NAALADL2: variants seen among roughly 807,000 people sequenced by gnomAD.
The protein encoded by NAALADL2 is N-acetylated alpha-linked acidic dipeptidase like 2, also known as inactive N-acetylated-alpha-linked acidic dipeptidase-like protein 2.
Under a neutral mutation model 87.2 loss-of-function variants are expected in NAALADL2, and 76 were observed. The ratio of observed to expected loss-of-function variants is 0.87; its 90% CI spans 0.72 to 1.05. The LOEUF (loss-of-function observed/expected upper bound fraction) is 1.05. Ranked by LOEUF, NAALADL2 falls within the 50% of genes least tolerant of loss-of-function variation. NAALADL2 has a pLI of 0.00. For synonymous variants in NAALADL2, 354 were observed against 331.0 expected (o/e 1.07, Z -0.75); for missense variants, 1,089 against 945.8 (o/e 1.15, Z -1.99).
Position 174,744,915 on chromosome 3 carries a change from A to G in NAALADL2, c.-9+7169A>G, listed in dbSNP as rs148854271. Reference sequence around the variant, plus strand: ...TGAAACCAGTGAGAACAAAGATACAATGTACCAGAATCTCTGGGACACAGC... The same window carrying G: ...TGAAACCAGTGAGAACAAAGATACAGTGTACCAGAATCTCTGGGACACAGC... On this transcript the variant is annotated intron_variant, in intron 3 of 3. Transcript: ENST00000434257. Among the ~76,000 whole-genome samples, 952 of 152,278 alleles carry G rather than the reference A, an allele frequency of 6.3e-3. 7 individuals carry two copies. Among genetic ancestry groups the G allele is most frequent in the African/African-American group, 0.022 (901 of 41,556 alleles).
chr3:175,710,652 A>G (rs1740404330), intron 11 of NAALADL2, among the ~76,000 whole-genome samples: 1 of 151,548 alleles, frequency 6.6e-6, no homozygotes, highest in South Asian at 2.1e-4. Context: ...CAATGAGGGT[A>G]TGGAAGAATA....
At chr3:174,637,912 T>A (rs1196151881) in intron 2 of NAALADL2, among the ~76,000 whole-genome samples, 1 of 152,068 alleles carries the variant, frequency 6.6e-6, no homozygotes, top group African/African-American at 2.4e-5. Flanking sequence ...ACTTGGTGAT[T>A]TATGAGTAGG....
At position 175,778,650 on chromosome 3, in the gene NAALADL2, T is replaced by C. The variant is rs1401284951; in HGVS notation, c.2189+23232T>C. 3.9e-5 allele frequency among the ~76,000 whole-genome samples: 6 copies of C among 152,346 alleles called. No homozygotes were observed. In the East Asian group the frequency reaches 1.2e-3, roughly 29 times the overall value. On this transcript the variant is annotated intron_variant, in intron 13 of 13. Transcript: ENST00000454872. ...ATATGTCAGACACTGTGCTAAGCAC[T>C]TTACATGTTTCAGCTCATGTAATTA...
At chr3:174,665,476 C>T (rs998977866) in intron 2 of NAALADL2, among the ~76,000 whole-genome samples, 1 of 152,100 alleles carries the variant, frequency 6.6e-6, no homozygotes, top group Non-Finnish European at 1.5e-5. Flanking sequence ...AGGTTCTGGT[C>T]ATTACATGTT....
chr3:175,216,738 G>C (rs963841259), intron 2 of NAALADL2, among the ~76,000 whole-genome samples: 1 of 128,428 alleles, frequency 7.8e-6, no homozygotes, highest in African/African-American at 3.1e-5. Flanking sequence ...GTGTGATCTT[G>C]GCTCATCGCA....
intron 1 of NAALADL2, among the ~76,000 whole-genome samples, chr3:174,866,744 G>T (rs1277123984): frequency 6.6e-6 from 1 of 151,730 alleles, no homozygotes; most frequent in African/African-American, 2.4e-5. Context: ...ACCTTCAGAT[G>T]CAATGAAGTA....
At chr3:174,729,114 T>C (rs1020722448) in intron 2 of NAALADL2, among the ~76,000 whole-genome samples, 2 of 152,030 alleles carry the variant, frequency 1.3e-5, no homozygotes, top group African/African-American at 4.8e-5. Context: ...TATTAGTAAA[T>C]GGGCCACGTT....
intron 11 of NAALADL2, among the ~76,000 whole-genome samples, chr3:175,673,942 G>A (rs186262694): frequency 6.6e-6 from 1 of 151,968 alleles, no homozygotes; most frequent in South Asian, 2.1e-4. Context: ...ATTATATTAA[G>A]AAGAGTTATA....
At chr3:175,186,098 C>T (rs771763858) in intron 2 of NAALADL2, among the ~76,000 whole-genome samples, 1 of 151,978 alleles carries the variant, frequency 6.6e-6, no homozygotes, top group Non-Finnish European at 1.5e-5. Flanking sequence ...AATGGCATAA[C>T]TTTGTAAGGC....
intron 9 of NAALADL2, among the ~76,000 whole-genome samples, chr3:175,534,768 T>G (rs1734576023): frequency 6.6e-6 from 1 of 152,144 alleles, no homozygotes; most frequent in African/African-American, 2.4e-5. Context: ...AAGAATGATC[T>G]TTCTCCATTT....
intron 2 of NAALADL2, among the ~76,000 whole-genome samples, chr3:175,161,557 T>C (rs1406090767): frequency 2.0e-5 from 3 of 152,248 alleles, no homozygotes; most frequent in East Asian, 1.9e-4. Context: ...CAGGTACTTA[T>C]ACATCTTCAA....
At chr3:175,134,280 G>A (rs1403025907) in intron 2 of NAALADL2, among the ~76,000 whole-genome samples, 1 of 152,220 alleles carries the variant, frequency 6.6e-6, no homozygotes, top group African/African-American at 2.4e-5. Flanking sequence ...GTAACTTGTA[G>A]TCAAAGCTTA....
intron 13 of NAALADL2, among the ~76,000 whole-genome samples, chr3:175,793,257 TAGAG>T (rs1428491314): frequency 6.6e-6 from 1 of 150,394 alleles, no homozygotes. Flanking sequence ...GTATATGACA[TAGAG>T]AGGCAAGATT....
chr3:174,714,614 A>T (rs535526618), intron 2 of NAALADL2, among the ~76,000 whole-genome samples: 2 of 152,120 alleles, frequency 1.3e-5, no homozygotes, highest in Non-Finnish European at 2.9e-5. Context: ...TTATTATTGT[A>T]TAGGAATGCT....
intron 1 of NAALADL2, among the ~76,000 whole-genome samples, chr3:174,947,205 G>A (rs1366942728): frequency 2.0e-5 from 3 of 152,166 alleles, no homozygotes; most frequent in East Asian, 3.9e-4. Flanking sequence ...TGGTCAGGTT[G>A]TAGGTTAAAA....
chr3:175,062,513 TG>T (rs1292910951), intron 1 of NAALADL2, among the ~76,000 whole-genome samples: 4 of 151,538 alleles, frequency 2.6e-5, no homozygotes, highest in Admixed American at 6.6e-5. Context: ...TGTGTGTGTG[TG>T]TGTGTGTGTG....
chr3:175,674,802 A>C (rs1258462588), intron 11 of NAALADL2, among the ~76,000 whole-genome samples: 1 of 152,184 alleles, frequency 6.6e-6, no homozygotes, highest in Non-Finnish European at 1.5e-5. Context: ...TTGGAAGTCT[A>C]GGCATTCCAT....
In NAALADL2 at chr3:174,998,208, C is replaced by T. The variant is rs370438127; in HGVS notation, c.44-98582C>T. 3.8e-4 allele frequency among the ~76,000 whole-genome samples: 58 copies of T among 152,254 alleles called. 1 individual carries two copies. Among genetic ancestry groups the T allele is most frequent in the Middle Eastern group, 3.4e-3 (1 of 294 alleles). On this transcript the variant is annotated intron_variant, in intron 1 of 13. Coordinates refer to ENST00000454872, the MANE Select transcript of NAALADL2 (RefSeq NM_207015.3). ...TATGTATGAATTCATTTGATCCTCA[C>T]GACAGTGTACAAGGATACCCTATTA... is the stretch of plus-strand genomic sequence containing the variant.
intron 3 of NAALADL2, among the ~76,000 whole-genome samples, chr3:174,828,613 T>C (rs137924112): frequency 7.2e-4 from 109 of 152,348 alleles, no homozygotes; most frequent in African/African-American, 2.5e-3. Flanking sequence ...AGTTCACTTT[T>C]CATTTCTTAT....
Sources: gnomAD v4.1 joint callset for allele counts (sites outside exome capture counted in the v4.1 genomes callset) on GRCh38, gnomAD v4.1.1 for gene constraint, MANE v1.5 for transcripts, NCBI Gene and HGNC (gene_info 2026-07-23, HGNC 2026-07-21) for gene names.